The following ARHGAP15 variants were observed in gnomAD, a reference collection of about 807,000 sequenced individuals.
ARHGAP15 encodes the protein rho GTPase-activating protein 15.
Under a neutral mutation model 63.7 loss-of-function variants are expected in ARHGAP15, and 51 were observed. The ratio of observed to expected loss-of-function variants is 0.80; its 90% CI spans 0.64 to 1.01. ARHGAP15 has a LOEUF of 1.01. ARHGAP15 is among the 50% of genes least tolerant of loss of function. The probability of loss-of-function intolerance (pLI) is 0.00; values close to 1 mark genes in which losing one functional copy is unlikely to be tolerated. For synonymous variants in ARHGAP15, 191 were observed against 193.8 expected (o/e 0.99, Z 0.12); for missense variants, 560 against 564.6 (o/e 0.99, Z 0.08).
chr2:143,291,348 G>A (rs187696988), intron 6 of ARHGAP15, among the ~76,000 whole-genome samples: 1 of 152,122 alleles, frequency 6.6e-6, no homozygotes, highest in Admixed American at 6.6e-5. Context: ...CAATCTGTAT[G>A]GAAAAGCAGC....
chr2:143,582,084 C>T (rs897752385), intron 11 of ARHGAP15, among the ~76,000 whole-genome samples: 5 of 152,138 alleles, frequency 3.3e-5, no homozygotes, highest in African/African-American at 7.2e-5. Context: ...AAGATGTGCA[C>T]ATCTTTCACA....
In ARHGAP15 at chr2:143,624,130, C is replaced by G; in HGVS notation, c.1004-3C>G. 1 of 1,612,806 alleles carries G rather than the reference C, an allele frequency of 6.2e-7. No individual in the cohort carries two copies. Among genetic ancestry groups the G allele is most frequent in the Non-Finnish European group, 8.5e-7 (1 of 1,179,238 alleles). ...TGTTCCATTTCTCCTCGTGTTTTCC[C>G]AGAAGAGAAGCTGAATTTGGACGAC... On this transcript the variant is annotated splice_polypyrimidine_tract_variant and splice_region_variant and intron_variant, in intron 11 of 13. Transcript: ENST00000295095.
chr2:143,535,370 C>T (rs1694707482), intron 10 of ARHGAP15, among the ~76,000 whole-genome samples: 1 of 152,038 alleles, frequency 6.6e-6, no homozygotes, highest in South Asian at 2.1e-4. Context: ...AGTCTGCTCC[C>T]AGTAAAGGAT....
At chr2:143,137,765 A>G (rs1260071296) in intron 1 of ARHGAP15, among the ~76,000 whole-genome samples, 3 of 152,094 alleles carry the variant, frequency 2.0e-5, no homozygotes, top group African/African-American at 7.2e-5. Context: ...TGGAAGGTAG[A>G]ATGCTCAGGA....
intron 8 of ARHGAP15, among the ~76,000 whole-genome samples, chr2:143,457,657 T>A (rs1239129438): frequency 6.6e-6 from 1 of 151,322 alleles, no homozygotes; most frequent in Non-Finnish European, 1.5e-5. Flanking sequence ...CCCACAGTAT[T>A]TATTATTAAC....
intron 12 of ARHGAP15, among the ~76,000 whole-genome samples, chr2:143,629,335 T>TACTTGAGATC (rs1390987162): frequency 1.5e-4 from 23 of 152,180 alleles, no homozygotes; most frequent in Admixed American, 1.5e-3. Flanking sequence ...TGAAATTCTA[T>TACTTGAGATC]ACTTGAGATC....
At chr2:143,651,200 T>C (rs769422640) in intron 12 of ARHGAP15, among the ~76,000 whole-genome samples, 6 of 152,022 alleles carry the variant, frequency 3.9e-5, no homozygotes, top group Non-Finnish European at 7.4e-5. Context: ...GTAAAATTGT[T>C]CTGTATTGAA....
intron 5 of ARHGAP15, among the ~76,000 whole-genome samples, chr2:143,242,691 A>G (rs1693909467): frequency 6.6e-6 from 1 of 152,176 alleles, no homozygotes. Flanking sequence ...AACATCATTT[A>G]TATTCATATA....
At chr2:143,614,625 A>C (rs992911841) in intron 11 of ARHGAP15, among the ~76,000 whole-genome samples, 4 of 152,208 alleles carry the variant, frequency 2.6e-5, no homozygotes, top group Admixed American at 2.6e-4. Context: ...ATATATGAAT[A>C]GCTAATAAAA....
chr2:143,441,976 C>G (rs1013591877), intron 8 of ARHGAP15, among the ~76,000 whole-genome samples: 2 of 151,974 alleles, frequency 1.3e-5, no homozygotes, highest in African/African-American at 4.8e-5. Context: ...TTCCCAGTTC[C>G]ATATCCCCTT....
chr2:143,194,807 A>G (rs1691825549), intron 2 of ARHGAP15, among the ~76,000 whole-genome samples: 1 of 152,222 alleles, frequency 6.6e-6, no homozygotes, highest in African/African-American at 2.4e-5. Flanking sequence ...TATTATCTAT[A>G]ACTAATTTTT....
At chr2:143,416,841 CCA>C (rs1688709790) in intron 6 of ARHGAP15, among the ~76,000 whole-genome samples, 1 of 71,408 alleles carries the variant, frequency 1.4e-5, no homozygotes, top group South Asian at 6.8e-4. Flanking sequence ...CCCCACGCCC[CCA>C]CGCCCCCACG....
chr2:143,598,928 G>GTT (rs756126227), intron 11 of ARHGAP15, among the ~76,000 whole-genome samples: 27 of 147,516 alleles, frequency 1.8e-4, no homozygotes, highest in Admixed American at 1.0e-3. Flanking sequence ...AAATAAGTTG[G>GTT]TTTTTTTTTT....
chr2:143,768,177 C>A lies in ARHGAP15; in HGVS notation c.*5C>A. 6.2e-7 allele frequency: 1 copy of A among 1,612,314 alleles called. No individual in the cohort carries two copies. The highest frequency in any genetic ancestry group is 1.1e-5 in the South Asian group (1 of 90,906). On this transcript the variant is annotated 3_prime_UTR_variant, in exon 14 of 14. Coordinates refer to ENST00000295095, the MANE Select transcript of ARHGAP15 (RefSeq NM_018460.4). ...TTCGGCTCAGAGGAAGACTGACAGA[C>A]AAGACAAGCTACTGAATACGTTCAC...
intron 13 of ARHGAP15, among the ~76,000 whole-genome samples, chr2:143,740,572 C>A (rs1194087504): frequency 6.6e-6 from 1 of 152,214 alleles, no homozygotes; most frequent in East Asian, 1.9e-4. Context: ...GCTGTTGATA[C>A]TGTTTGAGAA....
At chr2:143,365,132 A>G (rs1686240854) in intron 6 of ARHGAP15, among the ~76,000 whole-genome samples, 1 of 152,224 alleles carries the variant, frequency 6.6e-6, no homozygotes, top group Non-Finnish European at 1.5e-5. Context: ...AGGAAAAGAA[A>G]TGTTCTAAAG....
chr2:143,143,782 A>G (rs1689472101), intron 1 of ARHGAP15, among the ~76,000 whole-genome samples: 1 of 151,690 alleles, frequency 6.6e-6, no homozygotes, highest in Admixed American at 6.6e-5. Context: ...TTTAACTTTA[A>G]GTTCAGGGAT....
At chr2:143,758,588 C>T (rs1686660223) in intron 13 of ARHGAP15, among the ~76,000 whole-genome samples, 1 of 152,144 alleles carries the variant, frequency 6.6e-6, no homozygotes, top group South Asian at 2.1e-4. Flanking sequence ...GCTTTATTAA[C>T]TTCTTCCCCA....
chr2:143,568,212 C>G (rs1696312374), intron 11 of ARHGAP15, among the ~76,000 whole-genome samples: 1 of 152,106 alleles, frequency 6.6e-6, no homozygotes, highest in Non-Finnish European at 1.5e-5. Flanking sequence ...GCAAAAGAAA[C>G]TACCATCAGA....
Sources: gnomAD v4.1 joint callset for allele counts (sites outside exome capture counted in the v4.1 genomes callset) on GRCh38, gnomAD v4.1.1 for gene constraint, MANE v1.5 for transcripts, NCBI Gene and HGNC (gene_info 2026-07-23, HGNC 2026-07-21) for gene names.